ARHGAP35: variants seen among roughly 807,000 people sequenced by gnomAD.
The protein encoded by ARHGAP35 is rho GTPase-activating protein 35.
ARHGAP35 carries 15 observed loss-of-function variants against 111.1 expected under a neutral mutation model. The observed-to-expected ratio is 0.13, with a 90% CI of 0.09 to 0.21. The LOEUF (loss-of-function observed/expected upper bound fraction) is 0.21. ARHGAP35 is among the 10% of genes least tolerant of loss of function. ARHGAP35 has a pLI of 1.00. For missense variants in ARHGAP35, 1,262 were observed against 1,873.0 expected (o/e 0.67, Z 6.02); for synonymous variants, 643 against 710.3 (o/e 0.91, Z 1.51).
At chr19:46,987,501 C>T (rs2056657554) in intron 3 of ARHGAP35, among the ~76,000 whole-genome samples, 1 of 152,128 alleles carries the variant, frequency 6.6e-6, no homozygotes, top group Non-Finnish European at 1.5e-5. Context: ...AGGCGTGAGC[C>T]ACCGCTCCCA....
intron 2 of ARHGAP35, among the ~76,000 whole-genome samples, chr19:46,930,880 A>G (rs541731732): frequency 8.5e-5 from 13 of 152,162 alleles, no homozygotes; most frequent in Non-Finnish European, 1.8e-4. Flanking sequence ...TCCTAGTATT[A>G]GCTCTGCTGC....
intron 3 of ARHGAP35, among the ~76,000 whole-genome samples, chr19:46,975,989 C>G (rs1371733880): frequency 6.6e-6 from 1 of 152,152 alleles, no homozygotes; most frequent in African/African-American, 2.4e-5. Flanking sequence ...TTAATAGGTA[C>G]GGTTATAGCT....
At chr19:46,863,635 A>G (rs998721728) in intron 1 of ARHGAP35, among the ~76,000 whole-genome samples, 2 of 151,706 alleles carry the variant, frequency 1.3e-5, no homozygotes, top group African/African-American at 4.8e-5. Context: ...CAACCCTAGG[A>G]GTGTCCTTCC....
chr19:46,975,430 G>A (rs539491942), intron 3 of ARHGAP35, among the ~76,000 whole-genome samples: 1 of 152,242 alleles, frequency 6.6e-6, no homozygotes, highest in South Asian at 2.1e-4. Flanking sequence ...GCCTGGGGCT[G>A]GGAGCTCAGG....
At chr19:46,948,685 C>G (rs955452143) in intron 3 of ARHGAP35, 1 of 152,152 alleles carries the variant, frequency 6.6e-6, no homozygotes, top group Non-Finnish European at 1.5e-5. Flanking sequence ...AACCGCGGTT[C>G]CCTTTCTAGA....
rs140859640 is a variant in ARHGAP35 at position 46,940,181 on chromosome 19, G to A, written c.3826+2773G>A. Among the ~76,000 whole-genome samples, 777 of 152,152 alleles carry A rather than the reference G, an allele frequency of 5.1e-3. 5 individuals are homozygous for A. Among genetic ancestry groups the A allele is most frequent in the Middle Eastern group, 0.014 (4 of 294 alleles). On this transcript the variant is annotated intron_variant, in intron 3 of 6. Coordinates refer to ENST00000672722, the MANE Select transcript of ARHGAP35 (RefSeq NM_004491.5). Reference sequence around the variant, plus strand: ...TCGATACCAGCCTGACCAACATGGAGAAACCCAGTCTCTACTAAAAATATA... The same window carrying A: ...TCGATACCAGCCTGACCAACATGGAAAAACCCAGTCTCTACTAAAAATATA...
At chr19:46,893,288 C>T (rs1467693331) in intron 1 of ARHGAP35, among the ~76,000 whole-genome samples, 3 of 152,056 alleles carry the variant, frequency 2.0e-5, no homozygotes, top group Admixed American at 6.6e-5. Flanking sequence ...CATATCACTT[C>T]TGGACTGGAG....
chr19:46,869,220 TAGTAA>T (rs1408362374), intron 1 of ARHGAP35, among the ~76,000 whole-genome samples: 1 of 152,132 alleles, frequency 6.6e-6, no homozygotes, highest in Admixed American at 6.6e-5. Context: ...ATACTTTATT[TAGTAA>T]CTTTTTGCAT....
intron 2 of ARHGAP35, among the ~76,000 whole-genome samples, chr19:46,936,769 G>T (rs1199835154): frequency 6.6e-6 from 1 of 151,730 alleles, no homozygotes; most frequent in Non-Finnish European, 1.5e-5. Context: ...ATCCTGTGTG[G>T]TATTCAGAGG....
intron 3 of ARHGAP35, among the ~76,000 whole-genome samples, chr19:46,975,292 G>A (rs921538922): frequency 6.6e-6 from 1 of 152,118 alleles, no homozygotes; most frequent in Non-Finnish European, 1.5e-5. Context: ...CTACTACACT[G>A]CCCCATCCCC....
rs942186149 is a variant in ARHGAP35, at chr19:46,937,329, G to A, written c.3747G>A (p.Val1249=). ...CCTGGGAGAGTAACTATTTTGGGGT[G>A]CCCTTAACAACTGTCGTGACTCCAG... ...KATWESNYFG[V]PLTTVVTPEK... The change falls in exon 3 of 7, where the codon GTG becomes GTA. Residue 1249 remains valine, a synonymous_variant. Coordinates refer to ENST00000672722, the MANE Select transcript of ARHGAP35 (RefSeq NM_004491.5). 1.2e-6 allele frequency: 2 copies of A among 1,613,772 alleles called. No individual in the cohort carries two copies. Among genetic ancestry groups the A allele is most frequent in the African/African-American group, 1.3e-5 (1 of 74,898 alleles).
intron 3 of ARHGAP35, among the ~76,000 whole-genome samples, chr19:46,969,168 G>A (rs898585429): frequency 6.6e-6 from 1 of 152,152 alleles, no homozygotes; most frequent in East Asian, 1.9e-4. Flanking sequence ...CATGGATACA[G>A]TTTTTTGGGT....
At chr19:46,906,825 A>G (rs2056110802) in intron 1 of ARHGAP35, among the ~76,000 whole-genome samples, 1 of 152,208 alleles carries the variant, frequency 6.6e-6, no homozygotes, top group Non-Finnish European at 1.5e-5. Flanking sequence ...GCAGTAGGTG[A>G]CACCTGCAAT....
chr19:46,917,152 C>T (rs2056168876), intron 1 of ARHGAP35, among the ~76,000 whole-genome samples: 1 of 152,148 alleles, frequency 6.6e-6, no homozygotes, highest in Non-Finnish European at 1.5e-5. Context: ...CCCACTTTCC[C>T]CAGCCCCTGA....
rs371485334 is a variant in ARHGAP35, at chr19:46,969,141, A to T, written c.3827-18848A>T. 7.2e-5 allele frequency among the ~76,000 whole-genome samples: 11 copies of T among 152,002 alleles called. No individual in the cohort carries two copies. In the East Asian group the frequency reaches 1.5e-3, roughly 21 times the overall value. ...TTGCCAGGGGCTGCGAGAAGGGAGA[A>T]ATTTGGAGTGGCTGCTCATGGATAC... On this transcript the variant is annotated intron_variant, in intron 3 of 6. Transcript: ENST00000672722.
intron 3 of ARHGAP35, among the ~76,000 whole-genome samples, chr19:46,962,121 TGTG>T: frequency 6.6e-6 from 1 of 152,258 alleles, no homozygotes; most frequent in South Asian, 2.1e-4. Flanking sequence ...TTTACACAAG[TGTG>T]GTCATTGTGT....
intron 1 of ARHGAP35, among the ~76,000 whole-genome samples, chr19:46,880,638 G>C (rs1185683176): frequency 6.6e-6 from 1 of 151,960 alleles, no homozygotes. Flanking sequence ...GATATTGTGA[G>C]CTCTCTCATG....
chr19:46,988,297 T>TG lies in ARHGAP35; in HGVS notation c.3904+231_3904+232insG. 2 of 512,016 alleles carry TG rather than the reference T, an allele frequency of 3.9e-6. No homozygotes were observed. Among genetic ancestry groups the TG allele is most frequent in the East Asian group, 7.0e-5 (2 of 28,502 alleles). 31.7% of individuals were successfully genotyped at this position (512,016 alleles called of 1,614,324 possible). A position where few individuals can be genotyped will look rare whatever the true frequency, so the allele number is the denominator to read the frequency against. ...GCCCAAGCTGGGTCATGTAGGCCAC[T>TG]CCCCACACTGCCACTCACAGATGCT... On this transcript the variant is annotated intron_variant, in intron 4 of 6. Transcript: ENST00000672722. This position sits in a 1 kb window ranked among gnomAD's most constrained non-coding sequence, Gnocchi z 5.4.
Position 46,988,186 on chromosome 19 carries a change from G to A in ARHGAP35, c.3904+120G>A. On this transcript the variant is annotated intron_variant, in intron 4 of 6. Coordinates refer to ENST00000672722, the MANE Select transcript of ARHGAP35 (RefSeq NM_004491.5). The surrounding 1 kb of genome is among the most constrained non-coding windows in gnomAD (Gnocchi z 5.4). ...TGCCAGCACAGACCCAAAGCCACGA[G>A]GTGCTGAGACTGAGAAAGAGACCAT... 2.1e-6 allele frequency: 2 copies of A among 931,114 alleles called. No individual in the cohort carries two copies. The highest frequency in any genetic ancestry group is 3.3e-6 in the Non-Finnish European group (2 of 602,184). The allele number at this position is 931,114 out of a possible 1,614,324, so 57.7% of individuals were successfully genotyped here.
Sources: allele counts gnomAD v4.1 joint callset (sites outside exome capture counted in the v4.1 genomes callset), GRCh38; gene constraint gnomAD v4.1.1; non-coding constraint Gnocchi (gnomAD v3.1); transcripts MANE v1.5; gene names NCBI Gene and HGNC (gene_info 2026-07-23, HGNC 2026-07-21).